Variants in TMF1 observed in about 807,000 individuals in gnomAD.
TMF1 encodes the protein TATA element modulatory factor 1.
TMF1 carries 71 observed loss-of-function variants against 126.5 expected under a neutral mutation model. The ratio of observed to expected loss-of-function variants is 0.56; its 90% CI spans 0.46 to 0.68. The LOEUF (loss-of-function observed/expected upper bound fraction) is 0.68, where lower values mean the gene tolerates loss of function less well. TMF1 is among the 30% of genes least tolerant of loss of function. The pLI, the probability that TMF1 is intolerant of heterozygous loss-of-function variation, is 0.00. For missense variants in TMF1, 1,259 were observed against 1,253.2 expected (o/e 1.00, Z -0.07); for synonymous variants, 461 against 430.5 (o/e 1.07, Z -0.88).
chr3:69,052,031 T>C lies in TMF1; in HGVS notation c.56A>G (p.Gln19Arg). Residue 19 changes from glutamine to arginine, a missense_variant, in exon 1 of 17, where the codon CAG (glutamine) becomes CGG (arginine). Physicochemically the swap from Gln to Arg is conservative, Grantham distance 43 (BLOSUM62 1). Transcript: ENST00000398559. Reference protein sequence around the residue: ...LSSFAKQALSQAQKSIDRVLD... With the variant: ...LSSFAKQALSRAQKSIDRVLD... ...AACCCTGTCAATAGACTTCTGGGCCTGGGACAGGGCCTGCTTAGCGAAGCT... is the reference window on the plus strand; with the variant it reads ...AACCCTGTCAATAGACTTCTGGGCCCGGGACAGGGCCTGCTTAGCGAAGCT... 1 of 1,613,810 alleles carries C rather than the reference T, an allele frequency of 6.2e-7. No individual in the cohort carries two copies. Among genetic ancestry groups the C allele is most frequent in the Non-Finnish European group, 8.5e-7 (1 of 1,179,896 alleles).
chr3:69,024,180 G>T lies in TMF1; in HGVS notation c.3013C>A (p.Leu1005Ile). The T allele has an allele frequency of 6.3e-7, 1 of 1,599,296 alleles. No individual in the cohort carries two copies. The highest frequency in any genetic ancestry group is 8.5e-7 in the Non-Finnish European group (1 of 1,174,620). Residue 1005 changes from leucine (L) to isoleucine (I), a missense_variant and splice_region_variant, in exon 16 of 17, where the codon CTA becomes ATA. Physicochemically the swap from Leu to Ile is conservative, Grantham distance 5. Coordinates refer to ENST00000398559, the MANE Select transcript of TMF1 (RefSeq NM_007114.3). ...GTTTTTTCTAGATTGCCAATTTCTA[G>T]CTGAGAAGCATTACCACAAAATAGT... ...LREGEITHLQ[L>I]EIGNLEKTRS... is the part of the protein sequence containing the mutation.
chr3:69,039,035 G>GT, intron 6 of TMF1, 26 bp from the exon 7 acceptor site: 1 of 1,466,948 alleles, frequency 6.8e-7, no homozygotes, highest in Non-Finnish European at 9.1e-7. Context: ...ACAGACAAAA[G>GT]TATTTTTCAA....
chr3:69,043,974 C>A, intron 3 of TMF1, 98 bp from the exon 4 acceptor site: 1 of 934,964 alleles, frequency 1.1e-6, no homozygotes, highest in Non-Finnish European at 1.5e-6. Flanking sequence ...TTTTCTCTGA[C>A]ATATACCTTA....
chr3:69,043,312 C>T (rs115175344), intron 4 of TMF1, among the ~76,000 whole-genome samples: 2,767 of 152,114 alleles, frequency 0.018, 85 homozygotes, highest in African/African-American at 0.064. Context: ...TGGGACCACA[C>T]GCATGTACCA....
chr3:69,025,871 T>TC, intron 14 of TMF1, 125 bp downstream of exon 14: 1 of 1,122,124 alleles, frequency 8.9e-7, no homozygotes, highest in South Asian at 1.5e-5. Context: ...TTAGCACTCC[T>TC]CCACAAGTAT....
Position 69,039,592 on chromosome 3 carries a change from T to C in TMF1, c.1786A>G (p.Lys596Glu). ...NENMVAKLNK[K>E]VKELEEELQH... ...AACTCCTCTTCTAGCTCTTTAACTTTTTTGTTCAGCTTTGCAACCATATTT... is the reference window on the plus strand; with the variant it reads ...AACTCCTCTTCTAGCTCTTTAACTTCTTTGTTCAGCTTTGCAACCATATTT... The change falls in exon 6 of 17, where the codon AAA becomes GAA. Residue 596 changes from lysine (K) to glutamate (E), a missense_variant. Physicochemically the swap from Lys to Glu is moderately conservative, Grantham distance 56. Coordinates refer to ENST00000398559, the MANE Select transcript of TMF1 (RefSeq NM_007114.3). 1 of 1,613,706 alleles carries C rather than the reference T, an allele frequency of 6.2e-7. No homozygotes were observed. The highest frequency in any genetic ancestry group is 1.1e-5 in the South Asian group (1 of 90,962).
At position 69,047,544 on chromosome 3, in the gene TMF1, G is replaced by C; in HGVS notation, c.1161C>G (p.Pro387=). 6.2e-7 allele frequency: 1 copy of C among 1,614,066 alleles called. No individual in the cohort carries two copies. The highest frequency in any genetic ancestry group is 1.3e-5 in the African/African-American group (1 of 75,016). The change falls in exon 2 of 17, where the codon CCC becomes CCG. Residue 387 remains proline, a synonymous_variant. Coordinates refer to ENST00000398559, the MANE Select transcript of TMF1 (RefSeq NM_007114.3). ...TTTCTTCCATTTCTGCTTCCTCAGTGGGTATAACTAATGTTTCATTTACTT... is the reference window on the plus strand; with the variant it reads ...TTTCTTCCATTTCTGCTTCCTCAGTCGGTATAACTAATGTTTCATTTACTT... ...SEEVNETLVI[P]TEEAEMEESG...
intron 5 of TMF1, among the ~76,000 whole-genome samples, chr3:69,041,471 T>C (rs918601839): frequency 6.6e-6 from 1 of 152,192 alleles, no homozygotes; most frequent in African/African-American, 2.4e-5. Context: ...CCAACTGTTC[T>C]CAAACGCTAC....
At chr3:69,036,419 T>G (rs1349440876) in intron 8 of TMF1, among the ~76,000 whole-genome samples, 1 of 152,178 alleles carries the variant, frequency 6.6e-6, no homozygotes, top group Non-Finnish European at 1.5e-5. Flanking sequence ...ATAAAACAAG[T>G]TATAAAACAG....
In TMF1 at chr3:69,047,453, T is replaced by G; in HGVS notation, c.1252A>C (p.Asn418His). The change falls in exon 2 of 17, where the codon AAT becomes CAT. Residue 418 changes from asparagine (N) to histidine (H), a missense_variant. Transcript: ENST00000398559. The part of the protein sequence containing the change: ...PDILVSSTPI[N>H]EGQTVLDKVA... The stretch of plus-strand genomic sequence containing the variant: ...TTGTCTAACACAGTCTGTCCTTCAT[T>G]TATTGGTGTGGAAGAAACCAAGATA... The G allele has an allele frequency of 6.2e-7, 1 of 1,614,188 alleles. No homozygotes were observed. Among genetic ancestry groups the G allele is most frequent in the South Asian group, 1.1e-5 (1 of 91,084 alleles).
intron 13 of TMF1, 33 bp downstream of exon 13, chr3:69,027,867 A>C: frequency 9.1e-4 from 1,057 of 1,156,266 alleles, no homozygotes; most frequent in Non-Finnish European, 1.2e-3. Context: ...CTAAATGGTT[A>C]CACCACAAAC....
At position 69,033,675 on chromosome 3, in the gene TMF1, C is replaced by T. The variant is rs1405896289; in HGVS notation, c.2274G>A (p.Gln758=). The change falls in exon 10 of 17, where the codon CAG becomes CAA. Residue 758 remains glutamine, a synonymous_variant. Transcript: ENST00000398559. ...QRLQEAENRN[Q]ELSQSVSSTT... The stretch of plus-strand genomic sequence containing the variant: ...TTGATGAAACACTTTGACTCAGTTC[C>T]TGGTTTCGATTCTCTGCTTCCTGGA... 1.2e-6 allele frequency: 2 copies of T among 1,612,756 alleles called. No homozygotes were observed. The highest frequency in any genetic ancestry group is 1.7e-6 in the Non-Finnish European group (2 of 1,179,622).
At chr3:69,033,908 G>A in intron 9 of TMF1, 1 of 429,116 alleles carries the variant, frequency 2.3e-6, no homozygotes, top group East Asian at 4.5e-5. Context: ...GTGGCTCACT[G>A]TAGCCTCAAC....
rs762067257 is a variant in TMF1, at chr3:69,024,175, T to G, written c.3018A>C (p.Glu1006Asp). ...REGEITHLQL[E>D]IGNLEKTRSI... ...ATCGAGTTTTTTCTAGATTGCCAATTTCTAGCTGAGAAGCATTACCACAAA... is the reference window on the plus strand; with the variant it reads ...ATCGAGTTTTTTCTAGATTGCCAATGTCTAGCTGAGAAGCATTACCACAAA... The change falls in exon 16 of 17, where the codon GAA becomes GAC. Residue 1006 changes from glutamate to aspartate, a missense_variant. Physicochemically the swap from Glu to Asp is conservative, Grantham distance 45. Transcript: ENST00000398559. The G allele has an allele frequency of 1.9e-5, 30 of 1,602,882 alleles. No homozygotes were observed. The highest frequency in any genetic ancestry group is 2.5e-5 in the Non-Finnish European group (29 of 1,176,042).
Position 69,035,062 on chromosome 3 carries a change from C to G in TMF1, c.2205G>C (p.Lys735Asn). 1 of 1,614,202 alleles carries G rather than the reference C, an allele frequency of 6.2e-7. No homozygotes were observed. Among genetic ancestry groups the G allele is most frequent in the Non-Finnish European group, 8.5e-7 (1 of 1,180,038 alleles). The part of the protein sequence containing the change: ...LQRTEQAAAR[K>N]EDYLRHEIGE... ...CGATCTCATGGCGTAAATAATCCTC[C>G]TTTCTGGCAGCCGCTTGTTCTGTAC... Residue 735 changes from lysine to asparagine, a missense_variant, in exon 9 of 17, where the codon AAG (lysine) becomes AAC (asparagine). Transcript: ENST00000398559.
chr3:69,048,748 C>G (rs377288950), intron 1 of TMF1, 186 bp from the exon 2 acceptor site: 6 of 518,516 alleles, frequency 1.2e-5, no homozygotes, highest in Admixed American at 7.7e-5. Context: ...CAGGGACTTA[C>G]GGAAGAAAAC....
rs566937883 is a variant in TMF1, at chr3:69,026,178, T to A, written c.2758-81A>T. The A allele has an allele frequency of 4.5e-6, 4 of 895,180 alleles. No individual in the cohort carries two copies. In the East Asian group the frequency reaches 9.8e-5, roughly 22 times the overall value. 55.5% of individuals were successfully genotyped at this position (895,180 alleles called of 1,614,324 possible). On this transcript the variant is annotated intron_variant, in intron 13 of 16. Transcript: ENST00000398559. ...AAGCAAGAACATTTCCTAGGGTTAA[T>A]GAGAACAAAGATTCAGTCTTTTAAA...
intron 11 of TMF1, among the ~76,000 whole-genome samples, chr3:69,029,444 A>G (rs1313573524): frequency 1.0e-5 from 1 of 97,056 alleles, no homozygotes; most frequent in African/African-American, 4.0e-5. Flanking sequence ...TTACTTATTT[A>G]ATTTATTTTT....
chr3:69,034,345 C>T (rs1017357848), intron 9 of TMF1, among the ~76,000 whole-genome samples: 4 of 152,008 alleles, frequency 2.6e-5, no homozygotes, highest in South Asian at 4.2e-4. Flanking sequence ...TGGTGGTGCA[C>T]GCCTGTAATC....
Sources: gnomAD v4.1 joint callset for allele counts (sites outside exome capture counted in the v4.1 genomes callset) on GRCh38, gnomAD v4.1.1 for gene constraint, MANE v1.5 for transcripts, NCBI Gene and HGNC (gene_info 2026-07-23, HGNC 2026-07-21) for gene names.